Variants in KCNQ3 observed in about 807,000 individuals in gnomAD.
KCNQ3 encodes potassium voltage-gated channel subfamily KQT member 3.
KCNQ3 carries 30 observed loss-of-function variants against 92.5 expected under a neutral mutation model. The observed-to-expected ratio is 0.32, with a 90% CI of 0.24 to 0.44. The LOEUF is 0.44. Ranked by LOEUF, KCNQ3 falls within the 20% of genes least tolerant of loss-of-function variation. The pLI, the probability that KCNQ3 is intolerant of heterozygous loss-of-function variation, is 1.00. For synonymous variants in KCNQ3, 450 were observed against 468.8 expected (o/e 0.96, Z 0.52); for missense variants, 913 against 1,140.3 (o/e 0.80, Z 2.87).
chr8:132,231,395 G>T (rs752217860), intron 1 of KCNQ3, among the ~76,000 whole-genome samples: 2 of 152,156 alleles, frequency 1.3e-5, no homozygotes, highest in Non-Finnish European at 2.9e-5. Context: ...GGACTGAATT[G>T]TATTTGCCCC....
At chr8:132,312,803 G>T (rs773102166) in intron 1 of KCNQ3, among the ~76,000 whole-genome samples, 38 of 152,306 alleles carry the variant, frequency 2.5e-4, no homozygotes, top group Admixed American at 8.5e-4. Context: ...TGCCATGATT[G>T]TAAGTTTCCT....
intron 1 of KCNQ3, among the ~76,000 whole-genome samples, chr8:132,331,908 T>C (rs961517944): frequency 2.0e-5 from 3 of 152,148 alleles, no homozygotes; most frequent in Non-Finnish European, 4.4e-5. Context: ...CATCAGGGCA[T>C]GCCAGTCAGA....
At chr8:132,444,843 T>G (rs565192462) in intron 1 of KCNQ3, among the ~76,000 whole-genome samples, 2 of 152,274 alleles carry the variant, frequency 1.3e-5, no homozygotes, top group South Asian at 4.1e-4. Context: ...TTATATAAAA[T>G]AAAGAGAATA....
chr8:132,203,117 T>C (rs1481304212), intron 1 of KCNQ3, among the ~76,000 whole-genome samples: 1 of 152,122 alleles, frequency 6.6e-6, no homozygotes, highest in African/African-American at 2.4e-5. Context: ...CCAAACTCAC[T>C]TTTATAACAA....
intron 1 of KCNQ3, among the ~76,000 whole-genome samples, chr8:132,294,000 G>GTGTGTGTGTGTTTTTTTTTTGTTGTTGTT (rs1816939658): frequency 1.2e-4 from 15 of 124,178 alleles, no homozygotes; most frequent in African/African-American, 4.6e-4. Flanking sequence ...TGTGTGTGTG[G>GTGTGTGTGTGTTTTTTTTTTGTTGTTGTT]TTTTTTTTTT....
Position 132,174,357 on chromosome 8 carries a change from G to A in KCNQ3, c.934-8C>T. On this transcript the variant is annotated splice_polypyrimidine_tract_variant and splice_region_variant and intron_variant, in intron 5 of 14. Coordinates refer to ENST00000388996, the MANE Select transcript of KCNQ3 (RefSeq NM_004519.4). Reference sequence around the variant, plus strand: ...AATGGTGGCCAGTGTGATCTGAAGAGAGAAGAGTTCAGACATGGAGTACCA... The same window carrying A: ...AATGGTGGCCAGTGTGATCTGAAGAAAGAAGAGTTCAGACATGGAGTACCA... 1 of 1,541,904 alleles carries A rather than the reference G, an allele frequency of 6.5e-7. No individual in the cohort carries two copies. Among genetic ancestry groups the A allele is most frequent in the Non-Finnish European group, 8.8e-7 (1 of 1,138,042 alleles).
At chr8:132,311,009 C>T (rs1053136159) in intron 1 of KCNQ3, among the ~76,000 whole-genome samples, 6 of 149,348 alleles carry the variant, frequency 4.0e-5, no homozygotes, top group East Asian at 2.0e-4. Context: ...GGCACGATTT[C>T]GGCTCACTGC....
At chr8:132,146,297 T>C (rs1020175735) in intron 9 of KCNQ3, among the ~76,000 whole-genome samples, 1 of 152,266 alleles carries the variant, frequency 6.6e-6, no homozygotes, top group Non-Finnish European at 1.5e-5. Flanking sequence ...GGATACCATT[T>C]GGTATTAAAA....
At chr8:132,226,321 C>T (rs1814418065) in intron 1 of KCNQ3, among the ~76,000 whole-genome samples, 1 of 151,556 alleles carries the variant, frequency 6.6e-6, no homozygotes, top group Non-Finnish European at 1.5e-5. Context: ...ATGGTGATAA[C>T]ATACACATGA....
intron 1 of KCNQ3, among the ~76,000 whole-genome samples, chr8:132,463,673 T>C (rs1404047022): frequency 1.3e-5 from 2 of 152,174 alleles, no homozygotes; most frequent in Non-Finnish European, 2.9e-5. Context: ...TCTTCTACAC[T>C]TCTATTTTCA....
intron 1 of KCNQ3, among the ~76,000 whole-genome samples, chr8:132,460,023 A>C (rs2673587): frequency 0.88 from 134,126 of 152,112 alleles, 59,210 homozygotes; most frequent in East Asian, 0.94. Context: ...CAGTTGGCTT[A>C]TGTGCCCCTT....
At chr8:132,203,875 G>A (rs1033511298) in intron 1 of KCNQ3, among the ~76,000 whole-genome samples, 1 of 152,156 alleles carries the variant, frequency 6.6e-6, no homozygotes, top group Non-Finnish European at 1.5e-5. Context: ...CATGGTGCCT[G>A]GGGAATTTGT....
chr8:132,379,706 T>C lies in KCNQ3; in HGVS notation c.386+100441A>G, dbSNP rs534916901. Among the ~76,000 whole-genome samples, 18 of 152,306 alleles carry C rather than the reference T, an allele frequency of 1.2e-4. No individual in the cohort carries two copies. The South Asian group carries it at 3.5e-3, about 30-fold the overall frequency. On this transcript the variant is annotated intron_variant, in intron 1 of 14. Transcript: ENST00000388996. ...TCAAATAGAACGTCCTTAATTTTAA[T>C]TGCATATTATGTTCCCTTTCTCAGG...
intron 1 of KCNQ3, among the ~76,000 whole-genome samples, chr8:132,193,490 C>A (rs1827218921): frequency 6.6e-6 from 1 of 152,190 alleles, no homozygotes; most frequent in Admixed American, 6.5e-5. Context: ...TTTGCAGATG[C>A]AGATGTGAGG....
chr8:132,276,103 G>A (rs1170537500), intron 1 of KCNQ3, among the ~76,000 whole-genome samples: 1 of 152,154 alleles, frequency 6.6e-6, no homozygotes, highest in Non-Finnish European at 1.5e-5. Context: ...CACAGAATAG[G>A]CCTTTGATTC....
At chr8:132,188,555 A>G (rs1396393441) in intron 1 of KCNQ3, among the ~76,000 whole-genome samples, 2 of 152,228 alleles carry the variant, frequency 1.3e-5, no homozygotes, top group African/African-American at 4.8e-5. Context: ...CATATCCTCC[A>G]TTATTCAGTG....
At chr8:132,177,235 T>A (rs78007482) in intron 4 of KCNQ3, among the ~76,000 whole-genome samples, 7,764 of 152,276 alleles carry the variant, frequency 0.051, 306 homozygotes, top group Non-Finnish European at 0.074. Flanking sequence ...ACAGTCACCA[T>A]TAAGGAGTGA....
chr8:132,380,750 A>C (rs1819725623), intron 1 of KCNQ3, among the ~76,000 whole-genome samples: 1 of 145,872 alleles, frequency 6.9e-6, no homozygotes, highest in South Asian at 2.4e-4. Context: ...CAGTTCATTT[A>C]ATTAATATTC....
chr8:132,280,696 G>A (rs1816487077), intron 1 of KCNQ3, among the ~76,000 whole-genome samples: 1 of 152,182 alleles, frequency 6.6e-6, no homozygotes, highest in Non-Finnish European at 1.5e-5. Context: ...GGACAAAGGA[G>A]CCAGCCATGA....
Sources: gnomAD v4.1 joint callset for allele counts (sites outside exome capture counted in the v4.1 genomes callset) on GRCh38, gnomAD v4.1.1 for gene constraint, MANE v1.5 for transcripts, NCBI Gene and HGNC (gene_info 2026-07-23, HGNC 2026-07-21) for gene names.